Variants in CYP4F22 observed in about 807,000 individuals in gnomAD.
The protein encoded by CYP4F22 is ultra-long-chain fatty acid omega-hydroxylase.
In CYP4F22, 37 loss-of-function variants were observed where a neutral mutation model predicts 60.4. The ratio of observed to expected loss-of-function variants is 0.61; its 90% confidence interval spans 0.47 to 0.81. The LOEUF (loss-of-function observed/expected upper bound fraction) is 0.81, where lower values mean the gene tolerates loss of function less well. Ranked by LOEUF, CYP4F22 falls within the 30% of genes least tolerant of loss-of-function variation. CYP4F22 has a pLI of 0.00. For missense variants in CYP4F22, 655 were observed against 715.0 expected, an observed-to-expected ratio of 0.92 and a Z score of 0.96; for synonymous variants, 258 against 280.5, an observed-to-expected ratio of 0.92 and a Z score of 0.80.
rs1331860644 is a variant in CYP4F22, at chr19:15,540,474, T to C, written c.696T>C (p.Ala232=). Reference sequence around the variant, plus strand: ...GGAAGATGAGTGATTATATCTCCGCTATCATTGAACTGAGCGCTCTGTCTG... The same window carrying C: ...GGAAGATGAGTGATTATATCTCCGCCATCATTGAACTGAGCGCTCTGTCTG... ...CQEKMSDYIS[A]IIELSALSVR... Residue 232 remains alanine, a synonymous_variant, in exon 8 of 14, where the codon GCT becomes GCC. Transcript: ENST00000269703. 15 of 1,614,202 alleles carry C rather than the reference T, an allele frequency of 9.3e-6. No homozygotes were observed. Among genetic ancestry groups the C allele is most frequent in the Non-Finnish European group, 1.2e-5 (14 of 1,180,040 alleles).
At chr19:15,520,203 G>A (rs1051638659) in intron 1 of CYP4F22, among the ~76,000 whole-genome samples, 1 of 151,802 alleles carries the variant, frequency 6.6e-6, no homozygotes, top group Admixed American at 6.6e-5. Flanking sequence ...AAAATTAGCT[G>A]GGCGTGGTGG....
chr19:15,521,107 C>G (rs1184262920), intron 1 of CYP4F22, among the ~76,000 whole-genome samples: 6 of 152,094 alleles, frequency 3.9e-5, no homozygotes, highest in African/African-American at 1.2e-4. Context: ...CCTCAAGGTT[C>G]AACCCTGGTG....
rs71176432 is a variant in CYP4F22 at position 15,547,018 on chromosome 19, G to GTTT, written c.1137-1070_1137-1068dup. ...GAGCCACCATGCCTGGCCTGCACCA[G>GTTT]TTTTTTTTTTTTTTTTTTTTTTAAG... On this transcript the variant is annotated intron_variant, in intron 10 of 13. Transcript: ENST00000269703. Among the ~76,000 whole-genome samples the GTTT allele has an allele frequency of 5.8e-3, 481 of 82,292 alleles. 20 individuals are homozygous for GTTT. Among genetic ancestry groups the GTTT allele is most frequent in the African/African-American group, 0.023 (408 of 17,580 alleles). The allele number at this position is 82,292 out of a possible 152,430, so 54.0% of individuals were successfully genotyped here. A position where few individuals can be genotyped will look rare whatever the true frequency, so the allele number is the denominator to read the frequency against.
rs1346252216 is a variant in CYP4F22, at chr19:15,548,000, A to AGT, written c.1137-107_1137-106insTG. 5.1e-4 allele frequency: 151 copies of AGT among 294,372 alleles called. 3 individuals are homozygous for AGT. In the Middle Eastern group the frequency reaches 6.4e-3, roughly 12 times the overall value. The allele number at this position is 294,372 out of a possible 1,614,324, so 18.2% of individuals were successfully genotyped here. ...GAGAGAGAGAGAGAGAGAGAGGGAG[A>AGT]GAGTGTGTGTGTGTGTGTGTGTGTG... On this transcript the variant is annotated intron_variant, in intron 10 of 13. Transcript: ENST00000269703.
At chr19:15,541,360 C>T (rs1971459795) in intron 8 of CYP4F22, among the ~76,000 whole-genome samples, 1 of 152,190 alleles carries the variant, frequency 6.6e-6, no homozygotes, top group African/African-American at 2.4e-5. Context: ...GCTGTCTTCT[C>T]CCTATGTCTG....
In CYP4F22 at chr19:15,546,175, T is replaced by C. The variant is rs146443373; in HGVS notation, c.1136+1896T>C. On this transcript the variant is annotated intron_variant, in intron 10 of 13. Coordinates refer to ENST00000269703, the MANE Select transcript of CYP4F22 (RefSeq NM_173483.4). ...ATTTTTTTAAGAGATGGGGACTTGC[T>C]GTGTTGCCCAGGCTGCTCTCAAATC... Among the ~76,000 whole-genome samples, 3 of 152,282 alleles carry C rather than the reference T, an allele frequency of 2.0e-5. No homozygotes were observed. In the East Asian group the frequency reaches 5.8e-4, roughly 29 times the overall value.
chr19:15,512,740 G>A (rs553529750), intron 1 of CYP4F22, among the ~76,000 whole-genome samples: 1 of 152,290 alleles, frequency 6.6e-6, no homozygotes, highest in African/African-American at 2.4e-5. Context: ...ACTTCACCTG[G>A]CTGATACCTT....
At chr19:15,523,231 G>A (rs1240884394) in intron 1 of CYP4F22, among the ~76,000 whole-genome samples, 3 of 151,920 alleles carry the variant, frequency 2.0e-5, no homozygotes, top group Admixed American at 6.6e-5. Flanking sequence ...ATGGTGGCAG[G>A]TGCCTGTAAC....
chr19:15,536,822 C>G (rs1217257484), intron 4 of CYP4F22, among the ~76,000 whole-genome samples: 1 of 152,130 alleles, frequency 6.6e-6, no homozygotes, highest in Non-Finnish European at 1.5e-5. Flanking sequence ...TGAGCCTGAA[C>G]TTTTTACAAG....
intron 1 of CYP4F22, among the ~76,000 whole-genome samples, chr19:15,517,010 G>A (rs1007137246): frequency 3.9e-5 from 6 of 152,024 alleles, no homozygotes; most frequent in African/African-American, 1.4e-4. Flanking sequence ...CAGTAGAGAA[G>A]GGGTTTTGCC....
At chr19:15,532,098 C>T (rs1452551941) in intron 4 of CYP4F22, among the ~76,000 whole-genome samples, 1 of 150,990 alleles carries the variant, frequency 6.6e-6, no homozygotes, top group African/African-American at 2.5e-5. Flanking sequence ...GAGTGAGATT[C>T]TGTCTCTAAA....
rs71176432 is a variant in CYP4F22, at chr19:15,547,018, G to GTTTTTT, written c.1137-1073_1137-1068dup. Among the ~76,000 whole-genome samples the GTTTTTT allele has an allele frequency of 3.5e-3, 287 of 82,302 alleles. 31 individuals are homozygous for GTTTTTT. Among genetic ancestry groups the GTTTTTT allele is most frequent in the African/African-American group, 0.013 (227 of 17,582 alleles). 54.0% of individuals were successfully genotyped at this position (82,302 alleles called of 152,430 possible). A position where few individuals can be genotyped will look rare whatever the true frequency, so the allele number is the denominator to read the frequency against. ...GAGCCACCATGCCTGGCCTGCACCA[G>GTTTTTT]TTTTTTTTTTTTTTTTTTTTTTAAG... On this transcript the variant is annotated intron_variant, in intron 10 of 13. Transcript: ENST00000269703.
chr19:15,548,376 G>T lies in CYP4F22; in HGVS notation c.1270+135G>T, dbSNP rs933701876. The T allele has an allele frequency of 3.6e-6, 5 of 1,382,730 alleles. No homozygotes were observed. The African/African-American group carries it at 5.7e-5, about 16-fold the overall frequency. The allele number at this position is 1,382,730 out of a possible 1,614,324, so 85.7% of individuals were successfully genotyped here. ...TGGGATAGCTCTCTGTGTGCCTGTT[G>T]CTTCTGGGGTGTTGGAGAAAACCCA... On this transcript the variant is annotated intron_variant, in intron 11 of 13. Transcript: ENST00000269703.
At position 15,540,672 on chromosome 19, in the gene CYP4F22, G is replaced by A; in HGVS notation, c.894G>A (p.Lys298=). 1 of 1,613,796 alleles carries A rather than the reference G, an allele frequency of 6.2e-7. No individual in the cohort carries two copies. Among genetic ancestry groups the A allele is most frequent in the Non-Finnish European group, 8.5e-7 (1 of 1,179,962 alleles). The change falls in exon 8 of 14, where the codon AAG becomes AAA. Residue 298 remains lysine, a synonymous_variant. Transcript: ENST00000269703. ...QQGAEAWLKA[K]QGKTLDFIDV... The stretch of plus-strand genomic sequence containing the variant: ...GGGCCGAGGCCTGGCTTAAGGCCAA[G>A]CAGGGGAAGACCTTGGACTTTATTG...
chr19:15,509,904 C>CTTTCCTTCTTTCTTT (rs1555725971), intron 1 of CYP4F22, among the ~76,000 whole-genome samples: 1 of 86,696 alleles, frequency 1.2e-5, no homozygotes, highest in South Asian at 4.5e-4. Flanking sequence ...TTCCTTCCTT[C>CTTTCCTTCTTTCTTT]CTTTCTTTCT....
At chr19:15,548,274 C>T (rs757141469) in intron 11 of CYP4F22, 33 bp downstream of exon 11, 1 of 1,613,258 alleles carries the variant, frequency 6.2e-7, no homozygotes, top group Non-Finnish European at 8.5e-7. Flanking sequence ...TGCTGGTGCA[C>T]TGCCTCCAAT....
At chr19:15,519,325 C>A (rs1031595615) in intron 1 of CYP4F22, among the ~76,000 whole-genome samples, 3 of 150,550 alleles carry the variant, frequency 2.0e-5, no homozygotes, top group Non-Finnish European at 2.9e-5. Context: ...TGCAATGATG[C>A]GACCTCAGCT....
intron 12 of CYP4F22, among the ~76,000 whole-genome samples, chr19:15,549,583 T>C (rs1241202173): frequency 6.6e-6 from 1 of 152,138 alleles, no homozygotes; most frequent in Non-Finnish European, 1.5e-5. Context: ...ATCCCAGCAC[T>C]TTGAGAGGCT....
At chr19:15,539,039 A>G (rs1168168468) in intron 7 of CYP4F22, among the ~76,000 whole-genome samples, 3 of 152,192 alleles carry the variant, frequency 2.0e-5, no homozygotes, top group Non-Finnish European at 4.4e-5. Flanking sequence ...CTTTGTTGAG[A>G]CACAATTCAC....
Sources: gnomAD v4.1 joint callset for allele counts (sites outside exome capture counted in the v4.1 genomes callset) on GRCh38, gnomAD v4.1.1 for gene constraint, MANE v1.5 for transcripts, NCBI Gene and HGNC (gene_info 2026-07-23, HGNC 2026-07-21) for gene names.